Variants in RBM47 observed in about 807,000 individuals in gnomAD.
The protein encoded by RBM47 is RNA binding motif protein 47, also known as RNA-binding protein 47.
In RBM47, 21 loss-of-function variants were observed where a neutral mutation model predicts 47.1. The observed-to-expected ratio is 0.45, with a 90% CI of 0.32 to 0.64. The LOEUF (loss-of-function observed/expected upper bound fraction) is 0.64. RBM47 is among the 30% of genes least tolerant of loss of function. The pLI is 0.05. For missense variants in RBM47, 708 were observed against 870.9 expected (o/e 0.81, Z 2.35); for synonymous variants, 375 against 361.7 (o/e 1.04, Z -0.42).
intron 2 of RBM47, among the ~76,000 whole-genome samples, chr4:40,471,495 C>T (rs1303797272): frequency 6.6e-6 from 1 of 151,974 alleles, no homozygotes; most frequent in Non-Finnish European, 1.5e-5. Context: ...GTCAGGAGTT[C>T]GAGACCAGCC....
At chr4:40,491,909 AC>A in intron 2 of RBM47, 1 of 163,446 alleles carries the variant, frequency 6.1e-6, no homozygotes, top group South Asian at 1.7e-4. Context: ...TTGAAACACC[AC>A]CAGGACTGAT....
intron 2 of RBM47, among the ~76,000 whole-genome samples, chr4:40,516,717 T>C (rs1437518463): frequency 1.3e-5 from 2 of 152,218 alleles, no homozygotes; most frequent in East Asian, 3.8e-4. Context: ...GGCCAGGGGC[T>C]GAGGTGGCCT....
intron 1 of RBM47, among the ~76,000 whole-genome samples, chr4:40,585,678 A>C (rs1733506821): frequency 6.6e-6 from 1 of 152,190 alleles, no homozygotes; most frequent in Non-Finnish European, 1.5e-5. Context: ...AAGCAGTCCC[A>C]CATGACAAAG....
At chr4:40,580,825 G>C (rs540538458) in intron 1 of RBM47, among the ~76,000 whole-genome samples, 1 of 152,360 alleles carries the variant, frequency 6.6e-6, no homozygotes, top group African/African-American at 2.4e-5. Flanking sequence ...GAATGGGACA[G>C]AGATTAACAG....
At chr4:40,542,077 G>C (rs1044652650) in intron 2 of RBM47, among the ~76,000 whole-genome samples, 4 of 152,130 alleles carry the variant, frequency 2.6e-5, no homozygotes, top group African/African-American at 9.7e-5. Context: ...GATTTGGGGA[G>C]AATTCAAAGG....
chr4:40,599,002 C>A (rs529359801), intron 1 of RBM47, among the ~76,000 whole-genome samples: 4 of 152,008 alleles, frequency 2.6e-5, no homozygotes, highest in East Asian at 3.9e-4. Context: ...TACCTGTAAT[C>A]CCAGCACTTG....
At chr4:40,600,271 CAA>C (rs530937900) in intron 1 of RBM47, among the ~76,000 whole-genome samples, 80 of 151,982 alleles carry the variant, frequency 5.3e-4, no homozygotes, top group African/African-American at 1.9e-3. Context: ...TCTCTGCCTC[CAA>C]AAGTGTTGGC....
chr4:40,535,145 G>A (rs1467412345), intron 2 of RBM47, among the ~76,000 whole-genome samples: 1 of 152,022 alleles, frequency 6.6e-6, no homozygotes, highest in African/African-American at 2.4e-5. Context: ...GATAATACAA[G>A]TAAAAGACTT....
chr4:40,518,662 C>T (rs1381671680), intron 2 of RBM47, among the ~76,000 whole-genome samples: 1 of 152,160 alleles, frequency 6.6e-6, no homozygotes, highest in Non-Finnish European at 1.5e-5. Flanking sequence ...GTCACACTCT[C>T]ATGCACATGC....
At chr4:40,449,810 T>C (rs1715131831) in intron 3 of RBM47, among the ~76,000 whole-genome samples, 1 of 152,114 alleles carries the variant, frequency 6.6e-6, no homozygotes, top group Admixed American at 6.6e-5. Context: ...TCCGGAGTAG[T>C]TAGGACTACA....
At chr4:40,532,676 T>TC in intron 2 of RBM47, among the ~76,000 whole-genome samples, 1 of 151,880 alleles carries the variant, frequency 6.6e-6, no homozygotes, top group Non-Finnish European at 1.5e-5. Flanking sequence ...TCCATTTTTT[T>TC]TTTGAGACGC....
chr4:40,447,979 C>T (rs35236219), intron 3 of RBM47, among the ~76,000 whole-genome samples: 9,959 of 152,038 alleles, frequency 0.066, 671 homozygotes, highest in East Asian at 0.36. Flanking sequence ...CCACTGCACT[C>T]CAGCCCGGGT....
At chr4:40,442,429 T>C (rs1346474067) in intron 3 of RBM47, among the ~76,000 whole-genome samples, 3 of 152,148 alleles carry the variant, frequency 2.0e-5, no homozygotes, top group Non-Finnish European at 4.4e-5. Flanking sequence ...GGTAGGAATA[T>C]AAAATGGTAC....
chr4:40,611,587 G>T (rs1214740991), intron 1 of RBM47, among the ~76,000 whole-genome samples: 1 of 152,100 alleles, frequency 6.6e-6, no homozygotes, highest in Non-Finnish European at 1.5e-5. Context: ...AAATTAGCTG[G>T]GTATCGTGGC....
chr4:40,536,528 A>G (rs1360602617), intron 2 of RBM47, among the ~76,000 whole-genome samples: 4 of 152,212 alleles, frequency 2.6e-5, no homozygotes, highest in Non-Finnish European at 4.4e-5. Flanking sequence ...TTATTCTGCC[A>G]AAAGACACAT....
At chr4:40,437,090 A>AAAAAAAAAAAAAAAATATATATAT (rs1256296949) in intron 4 of RBM47, among the ~76,000 whole-genome samples, 11 of 49,796 alleles carry the variant, frequency 2.2e-4, no homozygotes, top group East Asian at 7.7e-4. Context: ...AAAAAAAAAA[A>AAAAAAAAAAAAAAAATATATATAT]ATATATATAT....
At position 40,425,772 on chromosome 4, in the gene RBM47, T is replaced by C. The variant is rs1714926729; in HGVS notation, c.*132A>G. 1.5e-6 allele frequency: 2 copies of C among 1,330,976 alleles called. No homozygotes were observed. Among genetic ancestry groups the C allele is most frequent in the South Asian group, 3.0e-5 (2 of 67,580 alleles). The allele number at this position is 1,330,976 out of a possible 1,614,324, so 82.4% of individuals were successfully genotyped here. On this transcript the variant is annotated 3_prime_UTR_variant, in exon 7 of 7. Transcript: ENST00000295971. ...TGAAAACTTCATGTATATAAAATAA[T>C]TCAGAAATAAATCTGCTAACATTCT... is the stretch of plus-strand genomic sequence containing the variant.
At chr4:40,583,930 T>C (rs920037499) in intron 1 of RBM47, among the ~76,000 whole-genome samples, 3 of 151,980 alleles carry the variant, frequency 2.0e-5, no homozygotes, top group Non-Finnish European at 4.4e-5. Context: ...TTGTGATTTA[T>C]TATAACATGG....
At chr4:40,615,007 T>C (rs2154280036) in intron 1 of RBM47, among the ~76,000 whole-genome samples, 1 of 152,220 alleles carries the variant, frequency 6.6e-6, no homozygotes, top group South Asian at 2.1e-4. Context: ...ACACTTGTAA[T>C]CCCAGCACTT....
Sources: allele counts gnomAD v4.1 joint callset (sites outside exome capture counted in the v4.1 genomes callset), GRCh38; gene constraint gnomAD v4.1.1; transcripts MANE v1.5; gene names NCBI Gene and HGNC (gene_info 2026-07-23, HGNC 2026-07-21).